Variants in NLRP8 observed in about 807,000 individuals in gnomAD.
NLRP8 encodes NLR family pyrin domain containing 8.
A neutral mutation model predicts 88.7 loss-of-function variants in NLRP8; 86 were observed. That is an observed-to-expected ratio of 0.97 (90% confidence interval 0.81 to 1.16). The LOEUF is 1.16. Among genes scored for constraint, NLRP8 ranks in the 50% most tolerant of loss-of-function variants. The pLI is 0.00. For missense variants in NLRP8, 1,342 were observed against 1,286.5 expected (o/e 1.04, Z -0.66); for synonymous variants, 504 against 494.6 (o/e 1.02, Z -0.25).
chr19:55,966,093 C>T, intron 4 of NLRP8, 120 bp from the exon 5 acceptor site: 1 of 779,420 alleles, frequency 1.3e-6, no homozygotes, highest in Non-Finnish European at 2.2e-6. Context: ...GTTGTAAACC[C>T]CCTGAGAGTG....
chr19:55,956,273 T>C (rs575010257), intron 3 of NLRP8, among the ~76,000 whole-genome samples, 173 bp downstream of exon 3: 10 of 152,294 alleles, frequency 6.6e-5, no homozygotes, highest in Middle Eastern at 3.4e-3. Context: ...AGACAGAGTG[T>C]CACTCTGTTG....
At position 55,952,574 on chromosome 19, in the gene NLRP8, T is replaced by G. The variant is rs200238549; in HGVS notation, c.404T>G (p.Val135Gly). 3.5e-5 allele frequency: 57 copies of G among 1,613,940 alleles called. No homozygotes were observed. Among genetic ancestry groups the G allele is most frequent in the Non-Finnish European group, 4.5e-5 (53 of 1,179,974 alleles). Residue 135 changes from valine (V) to glycine (G), a missense_variant, in exon 2 of 10, where the codon GTG (valine) becomes GGG (glycine). Coordinates refer to ENST00000291971, the MANE Select transcript of NLRP8 (RefSeq NM_176811.2). ...ACCTTGGAACCAGAGGACTTGAATG[T>G]GGGAGAAACACAGGTGAATCTGGAG...
chr19:55,954,538 G>A lies in NLRP8; in HGVS notation c.480G>A (p.Lys160=), dbSNP rs1174869297. ...GGTATAAATCGAATGTGATGGAAAA[G>A]TTTTTCCCCATATGGGACATTACGA... is the stretch of plus-strand genomic sequence containing the variant. The change falls in exon 3 of 10, where the codon AAG becomes AAA. Residue 160 remains lysine (K), a synonymous_variant. Transcript: ENST00000291971. 2 of 1,613,756 alleles carry A rather than the reference G, an allele frequency of 1.2e-6. No individual in the cohort carries two copies. Among genetic ancestry groups the A allele is most frequent in the Non-Finnish European group, 1.7e-6 (2 of 1,179,968 alleles).
chr19:55,957,555 G>A (rs10421593), intron 3 of NLRP8, among the ~76,000 whole-genome samples: 4,652 of 151,150 alleles, frequency 0.031, 231 homozygotes, highest in African/African-American at 0.1. Flanking sequence ...GCATGGTGGC[G>A]GGCACCTGTA....
intron 6 of NLRP8, among the ~76,000 whole-genome samples, chr19:55,972,594 C>A (rs929054465): frequency 1.3e-5 from 2 of 151,946 alleles, no homozygotes; most frequent in African/African-American, 2.4e-5. Context: ...CACCCTTTCC[C>A]CCAAGTCCCC....
chr19:55,964,099 C>T (rs954586974), intron 4 of NLRP8, among the ~76,000 whole-genome samples: 3 of 152,160 alleles, frequency 2.0e-5, no homozygotes, highest in Non-Finnish European at 2.9e-5. Context: ...TCCAAAAACC[C>T]GATAATTCAC....
intron 3 of NLRP8, among the ~76,000 whole-genome samples, chr19:55,956,837 C>T (rs1377317109): frequency 6.6e-6 from 1 of 151,964 alleles, no homozygotes; most frequent in Non-Finnish European, 1.5e-5. Flanking sequence ...CTTTCTGTCA[C>T]CCAGGAAGGC....
intron 4 of NLRP8, among the ~76,000 whole-genome samples, chr19:55,963,925 T>C (rs1282460236): frequency 6.6e-6 from 1 of 152,130 alleles, no homozygotes; most frequent in Admixed American, 6.6e-5. Context: ...TTAGGTTCTT[T>C]GCACATGAAT....
chr19:55,967,565 T>C (rs1356679698), intron 5 of NLRP8, among the ~76,000 whole-genome samples: 1 of 152,242 alleles, frequency 6.6e-6, no homozygotes, highest in Admixed American at 6.5e-5. Flanking sequence ...CCATTGTGTA[T>C]ATGTACCACA....
rs12610641 is a variant in NLRP8, at chr19:55,956,539, C to T, written c.2042+439C>T. ...GATTACAGGCATGAGCCATCGCACG[C>T]GGCCAGTACTTCTGTTTTAAAACAA... On this transcript the variant is annotated intron_variant, in intron 3 of 9. Coordinates refer to ENST00000291971, the MANE Select transcript of NLRP8 (RefSeq NM_176811.2). Among the ~76,000 whole-genome samples the T allele has an allele frequency of 3.4e-4, 51 of 152,080 alleles. No individual in the cohort carries two copies. The East Asian group carries it at 8.6e-3, about 26-fold the overall frequency.
intron 7 of NLRP8, among the ~76,000 whole-genome samples, chr19:55,974,463 T>C (rs1311590052): frequency 1.3e-5 from 2 of 150,128 alleles, no homozygotes; most frequent in Non-Finnish European, 3.0e-5. Flanking sequence ...AGGAATGTGC[T>C]ATTAAGGCTC....
At chr19:55,974,025 C>G (rs1412147578) in intron 7 of NLRP8, among the ~76,000 whole-genome samples, 1 of 152,150 alleles carries the variant, frequency 6.6e-6, no homozygotes, top group African/African-American at 2.4e-5. Flanking sequence ...AGGCAGAGTT[C>G]TCAAACTGTG....
intron 9 of NLRP8, among the ~76,000 whole-genome samples, chr19:55,981,828 G>A (rs1980583893): frequency 6.6e-6 from 1 of 151,730 alleles, no homozygotes; most frequent in Non-Finnish European, 1.5e-5. Context: ...CAATCACAAT[G>A]TTTTTTTTCC....
Position 55,957,672 on chromosome 19 carries a change from ATT to A in NLRP8, c.2042+1573_2042+1574del, listed in dbSNP as rs1568460837. ...CTATCTTAAAAAAGAAAAAATAATA[ATT>A]ATATATATATATATATATATATATA... On this transcript the variant is annotated intron_variant, in intron 3 of 9. Transcript: ENST00000291971. Among the ~76,000 whole-genome samples, 46 of 120,392 alleles carry A rather than the reference ATT, an allele frequency of 3.8e-4. 3 individuals are homozygous for A. Among genetic ancestry groups the A allele is most frequent in the Middle Eastern group, 4.0e-3 (1 of 250 alleles). The allele number at this position is 120,392 out of a possible 152,430, so 79.0% of individuals were successfully genotyped here. A position where few individuals can be genotyped will look rare whatever the true frequency, so the allele number is the denominator to read the frequency against.
rs771610141 is a variant in NLRP8 at position 55,970,688 on chromosome 19, G to C, written c.2526G>C (p.Glu842Asp). ...ATTACCTGTCTGTGGCCCAGCTGGA[G>C]AGGCTGTCGTAAGTCTCCTTTCTAG... The change falls in exon 6 of 10, where the codon GAG becomes GAC. Residue 842 changes from glutamate (E) to aspartate (D), a missense_variant. Physicochemically the swap from Glu to Asp is conservative, Grantham distance 45. Transcript: ENST00000291971. 1.2e-6 allele frequency: 2 copies of C among 1,614,086 alleles called. No individual in the cohort carries two copies. The highest frequency in any genetic ancestry group is 1.1e-5 in the South Asian group (1 of 91,076).
chr19:55,961,888 G>A (rs1193086219), intron 3 of NLRP8, among the ~76,000 whole-genome samples, 179 bp from the exon 4 acceptor site: 1 of 152,138 alleles, frequency 6.6e-6, no homozygotes, highest in African/African-American at 2.4e-5. Flanking sequence ...GAGTCTCCCT[G>A]GAATGAAATG....
At chr19:55,979,615 C>A in intron 9 of NLRP8, 51 bp downstream of exon 9, 1 of 1,594,032 alleles carries the variant, frequency 6.3e-7, no homozygotes, top group Non-Finnish European at 8.6e-7. Context: ...AAGAGAAGCT[C>A]CTTGTAAAAC....
chr19:55,987,710 G>A (rs1307180131), intron 9 of NLRP8: 8 of 779,674 alleles, frequency 1.0e-5, no homozygotes, highest in Admixed American at 7.7e-5. Flanking sequence ...AGGTGGGAGG[G>A]GTACGGTCTG....
chr19:55,963,110 T>C (rs537260207), intron 4 of NLRP8, among the ~76,000 whole-genome samples: 101 of 151,482 alleles, frequency 6.7e-4, no homozygotes, highest in African/African-American at 2.4e-3. Context: ...CCCTCCAGGG[T>C]TCAAGCAATT....
Sources: allele counts gnomAD v4.1 joint callset (sites outside exome capture counted in the v4.1 genomes callset), GRCh38; gene constraint gnomAD v4.1.1; transcripts MANE v1.5; gene names NCBI Gene and HGNC (gene_info 2026-07-23, HGNC 2026-07-21).